ITGAV: variants seen among roughly 807,000 people sequenced by gnomAD.
ITGAV encodes the protein integrin alpha-V.
A neutral mutation model predicts 143.8 loss-of-function variants in ITGAV; 76 were observed. That is an observed-to-expected ratio of 0.53 (90% CI 0.44 to 0.64). The LOEUF is 0.64. ITGAV is among the 30% of genes least tolerant of loss of function. The probability of loss-of-function intolerance (pLI) is 0.00; values close to 1 mark genes in which losing one functional copy is unlikely to be tolerated. For synonymous variants in ITGAV, 453 were observed against 446.7 expected (o/e 1.01, Z -0.18); for missense variants, 1,193 against 1,274.7 (o/e 0.94, Z 0.98).
chr2:186,625,516 A>G lies in ITGAV; in HGVS notation c.452A>G (p.Glu151Gly). Reference sequence around the variant, plus strand: ...CATTGGAGAACTGAGATGAAACAGGAGCGAGAGCCTGTTGGAACATGCTTT... The same window carrying G: ...CATTGGAGAACTGAGATGAAACAGGGGCGAGAGCCTGTTGGAACATGCTTT... ...LYHWRTEMKQ[E>G]REPVGTCFLQ... The change falls in exon 4 of 30, where the codon GAG becomes GGG. Residue 151 changes from glutamate to glycine, a missense_variant. Coordinates refer to ENST00000261023, the MANE Select transcript of ITGAV (RefSeq NM_002210.5). 1.2e-6 allele frequency: 2 copies of G among 1,614,048 alleles called. No individual in the cohort carries two copies. The highest frequency in any genetic ancestry group is 2.2e-5 in the South Asian group (2 of 91,056).
chr2:186,678,660 A>T lies in ITGAV; in HGVS notation c.*1368A>T. On this transcript the variant is annotated 3_prime_UTR_variant, in exon 30 of 30. Coordinates refer to ENST00000261023, the MANE Select transcript of ITGAV (RefSeq NM_002210.5). ...TTTTATATGGCTCTGTAGAGTGGTG[A>T]ACCTTCTAGAGGAATATATGATTTA... is the stretch of plus-strand genomic sequence containing the variant. 2.2e-6 allele frequency: 1 copy of T among 451,474 alleles called. No individual in the cohort carries two copies. The highest frequency in any genetic ancestry group is 4.4e-6 in the Non-Finnish European group (1 of 224,880). 28.0% of individuals were successfully genotyped at this position (451,474 alleles called of 1,614,324 possible).
At chr2:186,633,897 G>T (rs894821867) in intron 6 of ITGAV, among the ~76,000 whole-genome samples, 1 of 152,078 alleles carries the variant, frequency 6.6e-6, no homozygotes, top group African/African-American at 2.4e-5. Flanking sequence ...GCATGGTGGC[G>T]TGGGCCTGTA....
At chr2:186,675,501 T>A in intron 26 of ITGAV, 103 bp from the exon 27 acceptor site, 2 of 738,702 alleles carry the variant, frequency 2.7e-6, no homozygotes, top group Non-Finnish European at 4.8e-6. Flanking sequence ...ATCTGGATAA[T>A]CTCTTTGGCC....
chr2:186,607,491 G>A (rs1473351486), intron 2 of ITGAV, among the ~76,000 whole-genome samples: 1 of 152,100 alleles, frequency 6.6e-6, no homozygotes, highest in Non-Finnish European at 1.5e-5. Context: ...GTCACAGGGA[G>A]TAGTGATAGT....
At chr2:186,617,882 C>T (rs887670461) in intron 2 of ITGAV, among the ~76,000 whole-genome samples, 3 of 152,102 alleles carry the variant, frequency 2.0e-5, no homozygotes, top group South Asian at 2.1e-4. Flanking sequence ...GCATTTCTTC[C>T]AGCCCTTGAG....
At chr2:186,667,095 A>G (rs1184837465) in intron 22 of ITGAV, 55 bp from the exon 23 acceptor site, 6 of 1,347,136 alleles carry the variant, frequency 4.5e-6, no homozygotes, top group Non-Finnish European at 5.2e-6. Context: ...TTGCCTCTGT[A>G]TGTTCTTGGT....
chr2:186,592,298 G>A (rs946472358), intron 1 of ITGAV, among the ~76,000 whole-genome samples: 1 of 152,122 alleles, frequency 6.6e-6, no homozygotes, highest in African/African-American at 2.4e-5. Context: ...AATTAACCGG[G>A]CATGGTGGTG....
At chr2:186,602,229 C>T in intron 2 of ITGAV, 78 bp downstream of exon 2, 2 of 1,180,096 alleles carry the variant, frequency 1.7e-6, no homozygotes, top group South Asian at 1.5e-5. Context: ...TTAAATGTAG[C>T]CATTTAATAC....
chr2:186,603,830 A>T (rs9808201), intron 2 of ITGAV, among the ~76,000 whole-genome samples: 2,144 of 152,120 alleles, frequency 0.014, 51 homozygotes, highest in African/African-American at 0.049. Flanking sequence ...AATGAAACAT[A>T]CAACTCACAT....
At chr2:186,639,975 C>T (rs992444815) in intron 10 of ITGAV, among the ~76,000 whole-genome samples, 5 of 152,118 alleles carry the variant, frequency 3.3e-5, no homozygotes, top group Admixed American at 2.6e-4. Flanking sequence ...CAGAACACAC[C>T]TTTCATTTTC....
At chr2:186,615,937 T>C (rs1263629889) in intron 2 of ITGAV, among the ~76,000 whole-genome samples, 2 of 152,208 alleles carry the variant, frequency 1.3e-5, no homozygotes, top group Non-Finnish European at 2.9e-5. Context: ...AGCTCTTACG[T>C]GTAAAAATGT....
At chr2:186,626,682 A>T (rs1687685136) in intron 4 of ITGAV, among the ~76,000 whole-genome samples, 1 of 152,164 alleles carries the variant, frequency 6.6e-6, no homozygotes, top group Non-Finnish European at 1.5e-5. Context: ...CAACACTTTG[A>T]TCCTACCTGT....
At position 186,675,609 on chromosome 2, in the gene ITGAV, T is replaced by C. The variant is rs1574507307; in HGVS notation, c.2712T>C (p.Cys904=). 1 of 1,612,098 alleles carries C rather than the reference T, an allele frequency of 6.2e-7. No individual in the cohort carries two copies. Among genetic ancestry groups the C allele is most frequent in the Admixed American group, 1.7e-5 (1 of 59,996 alleles). Residue 904 remains cysteine, a synonymous_variant, in exon 27 of 30, where the codon TGT becomes TGC. Coordinates refer to ENST00000261023, the MANE Select transcript of ITGAV (RefSeq NM_002210.5). ...LSEGDIHTLG[C]GVAQCLKIVC... is the part of the protein sequence containing the mutation. Reference sequence around the variant, plus strand: ...TAAAGGATTTGTTTTGGCAGGGTTGTGGAGTTGCTCAGTGCTTGAAGATTG... The same window carrying C: ...TAAAGGATTTGTTTTGGCAGGGTTGCGGAGTTGCTCAGTGCTTGAAGATTG...
At chr2:186,645,551 T>A (rs1279241570) in intron 12 of ITGAV, among the ~76,000 whole-genome samples, 1 of 152,160 alleles carries the variant, frequency 6.6e-6, no homozygotes. Context: ...TAGAACTTAC[T>A]CTAAATGCTT....
chr2:186,661,734 C>G (rs1401250825), intron 18 of ITGAV, among the ~76,000 whole-genome samples: 1 of 151,694 alleles, frequency 6.6e-6, no homozygotes, highest in Non-Finnish European at 1.5e-5. Context: ...GTAGCTGGGA[C>G]TACAGGAACC....
At chr2:186,649,259 A>G (rs1688358217) in intron 13 of ITGAV, among the ~76,000 whole-genome samples, 1 of 150,558 alleles carries the variant, frequency 6.6e-6, no homozygotes, top group Non-Finnish European at 1.5e-5. Context: ...ATGTTATTTA[A>G]TCTGTTTTTA....
chr2:186,639,342 G>T (rs913709835), intron 10 of ITGAV, among the ~76,000 whole-genome samples: 2 of 152,120 alleles, frequency 1.3e-5, no homozygotes, highest in African/African-American at 4.8e-5. Flanking sequence ...CTTTGGGATA[G>T]GATTGACAGG....
At chr2:186,652,948 T>C (rs1220341412) in intron 15 of ITGAV, among the ~76,000 whole-genome samples, 1 of 141,254 alleles carries the variant, frequency 7.1e-6, no homozygotes, top group Non-Finnish European at 1.5e-5. Context: ...TTTTTTTTTT[T>C]TTTTTTTTGA....
Position 186,668,905 on chromosome 2 carries a change from C to G in ITGAV, c.2577C>G (p.Asn859Lys). Reference sequence around the variant, plus strand: ...ACTGCACTTCAGATATGGAGATCAACCCTTTGAGAATTAAGGTAATATGCT... The same window carrying G: ...ACTGCACTTCAGATATGGAGATCAAGCCTTTGAGAATTAAGGTAATATGCT... ...PMNCTSDMEINPLRIKISSLQ... is the reference protein window; with the variant it reads ...PMNCTSDMEIKPLRIKISSLQ... The change falls in exon 25 of 30, where the codon AAC becomes AAG. Residue 859 changes from asparagine (N) to lysine (K), a missense_variant. Asn to Lys is a moderately conservative substitution (Grantham distance 94). Transcript: ENST00000261023. 6.2e-7 allele frequency: 1 copy of G among 1,608,550 alleles called. No individual in the cohort carries two copies. Among genetic ancestry groups the G allele is most frequent in the Non-Finnish European group, 8.5e-7 (1 of 1,177,714 alleles).
Sources: gnomAD v4.1 joint callset for allele counts (sites outside exome capture counted in the v4.1 genomes callset) on GRCh38, gnomAD v4.1.1 for gene constraint, MANE v1.5 for transcripts, NCBI Gene and HGNC (gene_info 2026-07-23, HGNC 2026-07-21) for gene names.